Variants in C1orf198 observed in about 807,000 individuals in gnomAD.
C1orf198 encodes chromosome 1 open reading frame 198, also known as uncharacterized protein C1orf198.
Under a neutral mutation model 31.4 loss-of-function variants are expected in C1orf198, and 17 were observed. The ratio of observed to expected loss-of-function variants is 0.54; its 90% CI spans 0.37 to 0.81. The LOEUF (loss-of-function observed/expected upper bound fraction) is 0.81. C1orf198 is among the 40% of genes least tolerant of loss of function. The probability of loss-of-function intolerance (pLI) is 0.00; values close to 1 mark genes in which losing one functional copy is unlikely to be tolerated. For synonymous variants in C1orf198, 175 were observed against 193.8 expected (o/e 0.90, Z 0.81); for missense variants, 401 against 450.3 (o/e 0.89, Z 0.99).
At chr1:230,858,623 A>G (rs1202573) in intron 1 of C1orf198, among the ~76,000 whole-genome samples, 100,665 of 152,102 alleles carry the variant, frequency 0.66, 33,613 homozygotes, top group South Asian at 0.77. Flanking sequence ...CAGACAGGCC[A>G]CTGGCCACCC....
chr1:230,839,764 A>G lies in C1orf198; in HGVS notation c.*88T>C. The G allele has an allele frequency of 1.8e-6, 2 of 1,117,378 alleles. No homozygotes were observed. The highest frequency in any genetic ancestry group is 1.5e-5 in the South Asian group (1 of 68,150). The allele number at this position is 1,117,378 out of a possible 1,614,324, so 69.2% of individuals were successfully genotyped here. A position where few individuals can be genotyped will look rare whatever the true frequency, so the allele number is the denominator to read the frequency against. ...GAGTGTCAAGAAACCAGTAAAATAC[A>G]TAGGAAAAGGTGGCCCTTTTTATCC... On this transcript the variant is annotated 3_prime_UTR_variant, in exon 4 of 4. Coordinates refer to ENST00000366663, the MANE Select transcript of C1orf198 (RefSeq NM_032800.3).
intron 1 of C1orf198, 144 bp downstream of exon 1, chr1:230,868,036 T>C: frequency 4.6e-6 from 4 of 861,338 alleles, no homozygotes; most frequent in Admixed American, 4.3e-5. Context: ...GCTCTGGGGC[T>C]CCCCTCCCAC....
In C1orf198 at chr1:230,837,845, A is replaced by G. The variant is rs1669340878; in HGVS notation, c.*2007T>C. 1 of 152,244 alleles carries G rather than the reference A, an allele frequency of 6.6e-6. No homozygotes were observed. Among genetic ancestry groups the G allele is most frequent in the Admixed American group, 6.5e-5 (1 of 15,288 alleles). 9.4% of individuals were successfully genotyped at this position (152,244 alleles called of 1,614,324 possible). A position where few individuals can be genotyped will look rare whatever the true frequency, so the allele number is the denominator to read the frequency against. On this transcript the variant is annotated 3_prime_UTR_variant, in exon 4 of 4. Transcript: ENST00000366663. ...CCCAGACGATACTAAGTGAGGCAGA[A>G]GCTTTCAATAATTCCTACAGCCCTC... is the stretch of plus-strand genomic sequence containing the variant.
chr1:230,866,358 T>G (rs1379947282), intron 1 of C1orf198, among the ~76,000 whole-genome samples: 1 of 152,240 alleles, frequency 6.6e-6, no homozygotes, highest in Non-Finnish European at 1.5e-5. Flanking sequence ...TTTCAGAACA[T>G]GCTCTCAGCT....
chr1:230,844,701 A>C (rs1470926313), intron 2 of C1orf198, among the ~76,000 whole-genome samples: 2 of 152,166 alleles, frequency 1.3e-5, no homozygotes, highest in African/African-American at 4.8e-5. Context: ...ATAACGAGGA[A>C]AGGTGCACAC....
intron 2 of C1orf198, among the ~76,000 whole-genome samples, chr1:230,851,734 A>T (rs1669751298): frequency 6.6e-6 from 1 of 152,220 alleles, no homozygotes; most frequent in Admixed American, 6.5e-5. Context: ...GATCAGCCTC[A>T]GAGGAGGCAA....
At chr1:230,859,371 G>A (rs61826298) in intron 1 of C1orf198, among the ~76,000 whole-genome samples, 20,353 of 151,982 alleles carry the variant, frequency 0.13, 1,478 homozygotes, top group South Asian at 0.21. Context: ...CCTCTCTGGC[G>A]CCTAGGATCT....
At chr1:230,865,286 G>C (rs1413954868) in intron 1 of C1orf198, among the ~76,000 whole-genome samples, 3 of 152,216 alleles carry the variant, frequency 2.0e-5, no homozygotes, top group African/African-American at 7.2e-5. Context: ...TGGTTGAGAA[G>C]CGTTCTTCCA....
intron 1 of C1orf198, among the ~76,000 whole-genome samples, chr1:230,862,029 C>T (rs55907615): frequency 0.14 from 21,324 of 152,178 alleles, 1,556 homozygotes; most frequent in South Asian, 0.21. Flanking sequence ...GTGAGCAGGA[C>T]AGAAAGTCCC....
chr1:230,852,572 T>A (rs6657520), intron 2 of C1orf198, among the ~76,000 whole-genome samples: 3 of 152,168 alleles, frequency 2.0e-5, no homozygotes, highest in Non-Finnish European at 4.4e-5. Context: ...AAAGTAATAA[T>A]TTTTAAAAAG....
At chr1:230,841,437 A>C (rs1482013066) in intron 3 of C1orf198, among the ~76,000 whole-genome samples, 2 of 152,212 alleles carry the variant, frequency 1.3e-5, no homozygotes, top group Non-Finnish European at 2.9e-5. Flanking sequence ...TGATGATCTC[A>C]ACTCAACAAC....
At chr1:230,847,036 A>G (rs113033904) in intron 2 of C1orf198, among the ~76,000 whole-genome samples, 9,313 of 145,208 alleles carry the variant, frequency 0.064, 962 homozygotes, top group African/African-American at 0.23. Flanking sequence ...CCGGGAGGCG[A>G]AGCTTGCAGT....
Position 230,868,292 on chromosome 1 carries a change from AG to A in C1orf198, c.220del (p.Leu74TrpfsTer40). 1 of 1,596,398 alleles carries A rather than the reference AG, an allele frequency of 6.3e-7. No homozygotes were observed. The highest frequency in any genetic ancestry group is 8.5e-7 in the Non-Finnish European group (1 of 1,172,660). ...AQQDEIIDRCLVGPRAPAPRD... is the reference protein window; with the variant it reads ...AQQDEIIDRCXVGPRAPAPRD... ...GGGCGCCGGGGCGCGCGGCCCCACC[AG>A]GCACCGGTCGATGATCTCGTCCTGC... On this transcript the variant is annotated frameshift_variant, in exon 1 of 4. Coordinates refer to ENST00000366663, the MANE Select transcript of C1orf198 (RefSeq NM_032800.3). LOFTEE classifies it high-confidence loss of function.
chr1:230,859,710 G>T (rs187401588), intron 1 of C1orf198, among the ~76,000 whole-genome samples: 1 of 152,092 alleles, frequency 6.6e-6, no homozygotes, highest in African/African-American at 2.4e-5. Context: ...CAAGGACTCC[G>T]GGATAAACAC....
intron 3 of C1orf198, among the ~76,000 whole-genome samples, chr1:230,841,647 A>G (rs1669445830): frequency 6.6e-6 from 1 of 152,212 alleles, no homozygotes; most frequent in Admixed American, 6.5e-5. Flanking sequence ...CAAGTGTTGC[A>G]AGGGAGTGGA....
In C1orf198 at chr1:230,843,576, C is replaced by A. The variant is rs756381210; in HGVS notation, c.705G>T (p.Pro235=). 6.2e-7 allele frequency: 1 copy of A among 1,614,030 alleles called. No homozygotes were observed. The change falls in exon 3 of 4, where the codon CCG becomes CCT. Residue 235 remains proline (P), a synonymous_variant. Coordinates refer to ENST00000366663, the MANE Select transcript of C1orf198 (RefSeq NM_032800.3). The surrounding 1 kb of genome is among the most constrained non-coding windows in gnomAD (Gnocchi z 4.9). The part of the protein sequence containing the change: ...LPPCYRQEPA[P]KDREAKVERP... Reference sequence around the variant, plus strand: ...TTTCCACCTTGGCCTCCCTGTCCTTCGGGGCAGGTTCCTGCCGGTAGCAGG... The same window carrying A: ...TTTCCACCTTGGCCTCCCTGTCCTTAGGGGCAGGTTCCTGCCGGTAGCAGG...
chr1:230,846,907 TC>T (rs768682025), intron 2 of C1orf198, among the ~76,000 whole-genome samples: 3 of 151,226 alleles, frequency 2.0e-5, no homozygotes, highest in East Asian at 1.9e-4. Context: ...ATCGAGACCA[TC>T]CCGGCTAAAA....
In C1orf198 at chr1:230,868,476, AGCGCGAAGCCGCGATCGCCGCC is replaced by A; in HGVS notation, c.15_36del (p.Ala6ArgfsTer4). 1 of 1,509,404 alleles carries A rather than the reference AGCGCGAAGCCGCGATCGCCGCC, an allele frequency of 6.6e-7. No homozygotes were observed. Among genetic ancestry groups the A allele is most frequent in the Non-Finnish European group, 8.9e-7 (1 of 1,121,830 alleles). The allele number at this position is 1,509,404 out of a possible 1,614,324, so 93.5% of individuals were successfully genotyped here. On this transcript the variant is annotated frameshift_variant, in exon 1 of 4. Coordinates refer to ENST00000366663, the MANE Select transcript of C1orf198 (RefSeq NM_032800.3). LOFTEE classifies it high-confidence loss of function. ...GGCCGGTTCCCGCTCATGACCGCCGAGCGCGAAGCCGCGATCGCCGCCGCCATGGACGCCATGCCCGGCCTGC... is the reference window on the plus strand; with the variant it reads ...GGCCGGTTCCCGCTCATGACCGCCGAGCCATGGACGCCATGCCCGGCCTGC...
chr1:230,843,198 C>G lies in C1orf198; in HGVS notation c.927+156G>C, dbSNP rs1558135723. Among the ~76,000 whole-genome samples the G allele has an allele frequency of 6.6e-6, 1 of 152,208 alleles. No homozygotes were observed. Among genetic ancestry groups the G allele is most frequent in the African/African-American group, 2.4e-5 (1 of 41,486 alleles). ...TGTTGCATATTTGTTGGTGGCTCAG[C>G]ACCCTGAGCCTAGGCATCCTCTGAG... On this transcript the variant is annotated intron_variant, in intron 3 of 3. Transcript: ENST00000366663. The surrounding 1 kb of genome is among the most constrained non-coding windows in gnomAD (Gnocchi z 4.9).
Sources: allele counts gnomAD v4.1 joint callset (sites outside exome capture counted in the v4.1 genomes callset), GRCh38; gene constraint gnomAD v4.1.1; non-coding constraint Gnocchi (gnomAD v3.1); transcripts MANE v1.5; gene names NCBI Gene and HGNC (gene_info 2026-07-23, HGNC 2026-07-21).